Variants in RAB38 observed in about 807,000 individuals in gnomAD.
RAB38 encodes the protein ras-related protein Rab-38.
In RAB38, 15 loss-of-function variants were observed where a neutral mutation model predicts 18.4. The observed-to-expected ratio is 0.82, with a 90% CI of 0.55 to 1.26. The LOEUF (loss-of-function observed/expected upper bound fraction) is 1.26. RAB38 is among the 50% of genes most tolerant of loss of function. RAB38 has a pLI of 0.00. For synonymous variants in RAB38, 101 were observed against 104.4 expected, an observed-to-expected ratio of 0.97 and a Z score of 0.20; for missense variants, 294 against 267.4, an observed-to-expected ratio of 1.10 and a Z score of -0.69.
chr11:87,908,852 C>G, the RAB38 span, among the ~76,000 whole-genome samples: 1 of 151,810 alleles, frequency 6.6e-6, no homozygotes, highest in Non-Finnish European at 1.5e-5. Context: ...TTTTTCTTAT[C>G]CTGAATGTTA....
At chr11:88,036,878 C>T in the RAB38 span, among the ~76,000 whole-genome samples, 1 of 151,956 alleles carries the variant, frequency 6.6e-6, no homozygotes, top group East Asian at 1.9e-4. Flanking sequence ...TTCCTTGACA[C>T]CTTGTTGGCA....
At chr11:87,943,548 C>G in the RAB38 span, among the ~76,000 whole-genome samples, 95 of 152,236 alleles carry the variant, frequency 6.2e-4, no homozygotes, top group Middle Eastern at 6.8e-3. Context: ...GTCTCATTTT[C>G]TCGCCCATCT....
At chr11:88,004,306 G>T in the RAB38 span, among the ~76,000 whole-genome samples, 1 of 150,840 alleles carries the variant, frequency 6.6e-6, no homozygotes, top group Admixed American at 6.7e-5. Flanking sequence ...AGTTAGATTT[G>T]TCCTACGAAT....
At chr11:87,807,833 A>G in the RAB38 span, among the ~76,000 whole-genome samples, 2 of 152,200 alleles carry the variant, frequency 1.3e-5, no homozygotes, top group South Asian at 2.1e-4. Context: ...AAAAGCTGCA[A>G]TGTGGACCAA....
the RAB38 span, among the ~76,000 whole-genome samples, chr11:88,043,400 A>G: frequency 3.9e-5 from 6 of 152,200 alleles, no homozygotes; most frequent in African/African-American, 1.4e-4. Context: ...GAGGAAAATT[A>G]GAAGGTGATT....
At chr11:87,891,611 G>A in the RAB38 span, among the ~76,000 whole-genome samples, 3 of 151,730 alleles carry the variant, frequency 2.0e-5, no homozygotes, top group African/African-American at 4.8e-5. Flanking sequence ...CTATGAGTTC[G>A]AAACATTTTT....
At chr11:87,835,892 A>C in the RAB38 span, among the ~76,000 whole-genome samples, 1 of 152,236 alleles carries the variant, frequency 6.6e-6, no homozygotes, top group Non-Finnish European at 1.5e-5. Flanking sequence ...GGAGATTCAC[A>C]TAGTAATCCC....
the RAB38 span, among the ~76,000 whole-genome samples, chr11:87,906,126 A>G: frequency 6.6e-6 from 1 of 151,920 alleles, no homozygotes; most frequent in Non-Finnish European, 1.5e-5. Context: ...ATATTTGTTT[A>G]GTTTTATAGT....
chr11:88,013,833 A>T, the RAB38 span, among the ~76,000 whole-genome samples: 2 of 152,196 alleles, frequency 1.3e-5, no homozygotes, highest in Non-Finnish European at 2.9e-5. Flanking sequence ...AATATAATTG[A>T]TTGAAAGCAG....
intron 2 of RAB38, among the ~76,000 whole-genome samples, chr11:88,142,314 C>T (rs990186749): frequency 6.6e-6 from 1 of 152,206 alleles, no homozygotes; most frequent in Non-Finnish European, 1.5e-5. Flanking sequence ...GGGGATAATG[C>T]TTCATTATTG....
chr11:87,827,359 C>T, the RAB38 span, among the ~76,000 whole-genome samples: 1 of 151,408 alleles, frequency 6.6e-6, no homozygotes, highest in African/African-American at 2.4e-5. Context: ...GTTTGATTCT[C>T]TCTCATTAGG....
chr11:88,137,593 C>T (rs1310275535), intron 2 of RAB38, among the ~76,000 whole-genome samples: 2 of 152,058 alleles, frequency 1.3e-5, no homozygotes, highest in Non-Finnish European at 2.9e-5. Flanking sequence ...GTTCAGGTTA[C>T]ACCAAACTAG....
At chr11:87,961,979 A>T in the RAB38 span, among the ~76,000 whole-genome samples, 25 of 152,184 alleles carry the variant, frequency 1.6e-4, no homozygotes, top group African/African-American at 5.8e-4. Context: ...GAAAGCTTTC[A>T]TATTGGTCAT....
At chr11:88,013,385 G>A in the RAB38 span, among the ~76,000 whole-genome samples, 3,392 of 152,100 alleles carry the variant, frequency 0.022, 103 homozygotes, top group East Asian at 0.14. Context: ...AGTGAATGCC[G>A]TTTTATTTTC....
the RAB38 span, among the ~76,000 whole-genome samples, chr11:87,854,590 C>A: frequency 2.7e-4 from 41 of 151,916 alleles, 1 homozygote; most frequent in Non-Finnish European, 5.1e-4. Flanking sequence ...GAAATGTTTT[C>A]CTCCTAGAAA....
chr11:87,920,881 TG>T, the RAB38 span, among the ~76,000 whole-genome samples: 1 of 152,082 alleles, frequency 6.6e-6, no homozygotes, highest in African/African-American at 2.4e-5. Flanking sequence ...CCTTTATCAT[TG>T]TTTTAGTACA....
the RAB38 span, among the ~76,000 whole-genome samples, chr11:87,940,579 G>C: frequency 6.6e-6 from 1 of 151,854 alleles, no homozygotes; most frequent in Admixed American, 6.6e-5. Context: ...CACAGAAATA[G>C]ATATATGTAC....
At chr11:87,957,262 A>G in the RAB38 span, among the ~76,000 whole-genome samples, 1 of 152,138 alleles carries the variant, frequency 6.6e-6, no homozygotes, top group Non-Finnish European at 1.5e-5. Flanking sequence ...CAATGGGATC[A>G]TACATATTTG....
At chr11:87,955,065 T>C in the RAB38 span, among the ~76,000 whole-genome samples, 3 of 152,160 alleles carry the variant, frequency 2.0e-5, no homozygotes, top group South Asian at 4.2e-4. Context: ...AGCAGGAGCA[T>C]AGTGGGAGCT....
Sources: gnomAD v4.1 joint callset for allele counts (sites outside exome capture counted in the v4.1 genomes callset) on GRCh38, gnomAD v4.1.1 for gene constraint, MANE v1.5 for transcripts, NCBI Gene and HGNC (gene_info 2026-07-23, HGNC 2026-07-21) for gene names.